RELN: variants seen among roughly 807,000 people sequenced by gnomAD.
The protein encoded by RELN is reelin.
RELN carries 108 observed loss-of-function variants against 427.6 expected under a neutral mutation model. The ratio of observed to expected loss-of-function variants is 0.25; its 90% CI spans 0.22 to 0.30. RELN has a LOEUF of 0.30. Ranked by LOEUF, RELN falls within the 10% of genes least tolerant of loss-of-function variation. The pLI is 1.00. For missense variants in RELN, 3,715 were observed against 4,302.8 expected (o/e 0.86, Z 3.82); for synonymous variants, 1,524 against 1,513.4 (o/e 1.01, Z -0.16).
At chr7:103,657,967 C>T (rs78617217) in intron 12 of RELN, among the ~76,000 whole-genome samples, 32 of 152,126 alleles carry the variant, frequency 2.1e-4, no homozygotes, top group Non-Finnish European at 3.5e-4. Flanking sequence ...TGTTGTGCTG[C>T]CCTAATTGCA....
intron 2 of RELN, among the ~76,000 whole-genome samples, chr7:103,852,326 G>C (rs1317688907): frequency 6.6e-6 from 1 of 152,090 alleles, no homozygotes; most frequent in African/African-American, 2.4e-5. Context: ...TGTAATGAAT[G>C]TAAGCTGTAT....
chr7:103,901,779 G>A (rs1447741190), intron 2 of RELN, among the ~76,000 whole-genome samples: 1 of 151,920 alleles, frequency 6.6e-6, no homozygotes, highest in Admixed American at 6.6e-5. Flanking sequence ...ATAGATACAG[G>A]ATTTTTTTCT....
chr7:103,499,286 C>A (rs1225978302), intron 53 of RELN, among the ~76,000 whole-genome samples: 1 of 152,182 alleles, frequency 6.6e-6, no homozygotes, highest in Non-Finnish European at 1.5e-5. Flanking sequence ...ACCAGAAAAT[C>A]TATTTTTCAG....
intron 3 of RELN, among the ~76,000 whole-genome samples, chr7:103,819,926 C>T (rs1792973053): frequency 6.6e-6 from 1 of 151,890 alleles, no homozygotes; most frequent in South Asian, 2.1e-4. Flanking sequence ...TGCTTTAATT[C>T]TTAATATCCA....
At chr7:103,479,924 G>A (rs185096295) in intron 63 of RELN, among the ~76,000 whole-genome samples, 1 of 152,160 alleles carries the variant, frequency 6.6e-6, no homozygotes, top group East Asian at 1.9e-4. Context: ...GCACAGAAGC[G>A]AAACTATGGT....
chr7:103,566,726 A>G lies in RELN; in HGVS notation c.4622T>C (p.Ile1541Thr). The G allele has an allele frequency of 6.2e-7, 1 of 1,614,126 alleles. No homozygotes were observed. Among genetic ancestry groups the G allele is most frequent in the South Asian group, 1.1e-5 (1 of 91,090 alleles). Residue 1541 changes from isoleucine to threonine, a missense_variant, in exon 32 of 65, where the codon ATA (isoleucine) becomes ACA (threonine). Physicochemically the swap from Ile to Thr is moderately conservative, Grantham distance 89. Coordinates refer to ENST00000428762, the MANE Select transcript of RELN (RefSeq NM_005045.4). ...CAACTCTCGAAGCAAATGCCAGAGT[A>G]TCCCATTGTCATTTGAATACTGAAC... ...LIVQYSNDNG[I>T]LWHLLRELDF...
rs145965087 is a variant in RELN, at chr7:103,955,503, G to A, written c.226+33628C>T. Among the ~76,000 whole-genome samples the A allele has an allele frequency of 1.6e-4, 25 of 152,322 alleles. No individual in the cohort carries two copies. In the East Asian group the frequency reaches 3.9e-3, roughly 24 times the overall value. ...ATATTAATCCTATCAATGACATTCAGTGTGTATTTTCAATACCAGGACTTA... is the reference window on the plus strand; with the variant it reads ...ATATTAATCCTATCAATGACATTCAATGTGTATTTTCAATACCAGGACTTA... On this transcript the variant is annotated intron_variant, in intron 1 of 64. Transcript: ENST00000428762.
In RELN at chr7:103,636,329, C is replaced by A. The variant is rs1832579589; in HGVS notation, c.2209G>T (p.Gly737Cys). 1.9e-6 allele frequency: 3 copies of A among 1,613,904 alleles called. No homozygotes were observed. Among genetic ancestry groups the A allele is most frequent in the Non-Finnish European group, 2.5e-6 (3 of 1,179,978 alleles). The change falls in exon 18 of 65, where the codon GGT becomes TGT. Residue 737 changes from glycine (G) to cysteine (C), a missense_variant. Physicochemically the swap from Gly to Cys is radical, Grantham distance 159. This residue lies in a region of RELN where 2,208 missense variants were observed against 2,361.7 expected (regional missense o/e 0.93). Transcript: ENST00000428762. ...YSIRGAEVSF[G>C]CGVLASGKAL... is the part of the protein sequence containing the mutation. ...TTACCACTGGCCAAGACACCACAAC[C>A]AAAGCTGACTTCAGCACCACGGATA...
chr7:103,833,133 T>G (rs1197524774), intron 3 of RELN, among the ~76,000 whole-genome samples: 1 of 152,176 alleles, frequency 6.6e-6, no homozygotes, highest in Non-Finnish European at 1.5e-5. Flanking sequence ...AAATCTCTTT[T>G]AGCAATTTTG....
rs149927253 is a variant in RELN, at chr7:103,800,228, T to C, written c.474-23601A>G. Reference sequence around the variant, plus strand: ...TTTTGCAGATGACATGATTGTATATTTAGAAAACCCCATCGTCTCAGCCCA... The same window carrying C: ...TTTTGCAGATGACATGATTGTATATCTAGAAAACCCCATCGTCTCAGCCCA... On this transcript the variant is annotated intron_variant, in intron 3 of 64. Transcript: ENST00000428762. Among the ~76,000 whole-genome samples, 795 of 152,212 alleles carry C rather than the reference T, an allele frequency of 5.2e-3. 3 individuals carry two copies. Among genetic ancestry groups the C allele is most frequent in the African/African-American group, 0.018 (739 of 41,536 alleles).
intron 2 of RELN, among the ~76,000 whole-genome samples, chr7:103,873,093 T>A (rs1794390343): frequency 6.6e-6 from 1 of 151,558 alleles, no homozygotes; most frequent in Admixed American, 6.6e-5. Context: ...AACAACCTGC[T>A]CCTGAATGAC....
intron 2 of RELN, among the ~76,000 whole-genome samples, chr7:103,841,241 C>G (rs12536007): frequency 0.059 from 8,991 of 152,202 alleles, 502 homozygotes; most frequent in East Asian, 0.27. Context: ...GTACAAACAT[C>G]TTAAAAAAGA....
chr7:103,820,527 AAAAAG>A (rs1279564119), intron 3 of RELN, among the ~76,000 whole-genome samples: 1 of 148,286 alleles, frequency 6.7e-6, no homozygotes, highest in Non-Finnish European at 1.5e-5. Context: ...CTATGCTTTT[AAAAAG>A]AAAAGAAAAA....
chr7:103,922,908 T>C (rs1795647614), intron 1 of RELN, among the ~76,000 whole-genome samples: 1 of 151,218 alleles, frequency 6.6e-6, no homozygotes, highest in Non-Finnish European at 1.5e-5. Context: ...AATTAAGTAA[T>C]ACTCGAAATG....
intron 2 of RELN, among the ~76,000 whole-genome samples, chr7:103,869,017 T>A (rs191854366): frequency 3.3e-5 from 5 of 152,244 alleles, no homozygotes; most frequent in African/African-American, 1.2e-4. Flanking sequence ...GCCTTTTAAT[T>A]GAAGTGTTTA....
intron 8 of RELN, among the ~76,000 whole-genome samples, chr7:103,714,895 C>G (rs1789899916): frequency 6.6e-6 from 1 of 152,044 alleles, no homozygotes; most frequent in Non-Finnish European, 1.5e-5. Flanking sequence ...TTGGATCTGT[C>G]AAGAACTGTT....
At chr7:103,735,574 C>A (rs1790471199) in intron 6 of RELN, among the ~76,000 whole-genome samples, 1 of 152,034 alleles carries the variant, frequency 6.6e-6, no homozygotes, top group Non-Finnish European at 1.5e-5. Context: ...TTGGTGGTGA[C>A]ATCATCTTGA....
At chr7:103,984,172 A>G (rs1428917074) in intron 1 of RELN, among the ~76,000 whole-genome samples, 1 of 151,564 alleles carries the variant, frequency 6.6e-6, no homozygotes, top group Non-Finnish European at 1.5e-5. Context: ...AAAAAAATCA[A>G]AGACAGATTT....
chr7:103,479,996 A>C (rs978989249), intron 63 of RELN, among the ~76,000 whole-genome samples: 1 of 152,204 alleles, frequency 6.6e-6, no homozygotes, highest in African/African-American at 2.4e-5. Context: ...AAAAATTCCT[A>C]AGTGAAATGT....
Sources: allele counts gnomAD v4.1 joint callset (sites outside exome capture counted in the v4.1 genomes callset), GRCh38; gene constraint gnomAD v4.1.1; regional missense constraint gnomAD v4.1.1; transcripts MANE v1.5; gene names NCBI Gene and HGNC (gene_info 2026-07-23, HGNC 2026-07-21).